The following PRDM16 variants were observed in gnomAD, a reference collection of about 807,000 sequenced individuals.
PRDM16 encodes the protein histone-lysine N-methyltransferase PRDM16.
A neutral mutation model predicts 110.6 loss-of-function variants in PRDM16; 23 were observed. The ratio of observed to expected loss-of-function variants is 0.21; its 90% CI spans 0.15 to 0.29. The LOEUF (loss-of-function observed/expected upper bound fraction) is 0.29. Among genes scored for constraint, PRDM16 ranks in the 10% least tolerant of loss-of-function variants. The pLI is 1.00. For synonymous variants in PRDM16, 799 were observed against 781.8 expected (o/e 1.02, Z -0.37); for missense variants, 1,615 against 1,794.3 (o/e 0.90, Z 1.81).
At chr1:3,088,500 CT>C (rs1303372660) in intron 1 of PRDM16, among the ~76,000 whole-genome samples, 1 of 150,468 alleles carries the variant, frequency 6.6e-6, no homozygotes, top group Non-Finnish European at 1.5e-5. Flanking sequence ...GAGTCTCGCT[CT>C]GTCACTCAGG....
At chr1:3,212,236 T>TCCTCTC (rs776720399) in intron 2 of PRDM16, among the ~76,000 whole-genome samples, 1 of 152,158 alleles carries the variant, frequency 6.6e-6, no homozygotes, top group Non-Finnish European at 1.5e-5. Context: ...GCTTTGTCCC[T>TCCTCTC]CCTCTCCCGT....
intron 3 of PRDM16, among the ~76,000 whole-genome samples, chr1:3,256,348 G>A (rs1025520584): frequency 4.6e-5 from 7 of 152,168 alleles, no homozygotes; most frequent in Admixed American, 6.5e-5. Context: ...GTGGGTCCAC[G>A]CCCCATTCTA....
At chr1:3,301,350 GAAAAA>G (rs774850084) in intron 3 of PRDM16, among the ~76,000 whole-genome samples, 1 of 117,856 alleles carries the variant, frequency 8.5e-6, no homozygotes, top group African/African-American at 3.2e-5. Context: ...AAAAAAAAAA[GAAAAA>G]AAAAAAGGAA....
chr1:3,082,567 A>G (rs1174378172), intron 1 of PRDM16, among the ~76,000 whole-genome samples: 1 of 152,208 alleles, frequency 6.6e-6, no homozygotes, highest in African/African-American at 2.4e-5. Context: ...CTGGGGGTGC[A>G]GCTCCGAGGG....
chr1:3,127,381 G>A (rs1021476166), intron 1 of PRDM16, among the ~76,000 whole-genome samples: 2 of 152,198 alleles, frequency 1.3e-5, no homozygotes, highest in African/African-American at 4.8e-5. Context: ...TTACCCAGAC[G>A]ATGCCCTCGT....
At chr1:3,365,933 T>C (rs887291337) in intron 3 of PRDM16, among the ~76,000 whole-genome samples, 11 of 94,342 alleles carry the variant, frequency 1.2e-4, no homozygotes, top group Non-Finnish European at 1.7e-4. Context: ...CACGCACACA[T>C]GCACACAAAC....
chr1:3,070,841 G>A (rs1036453188), intron 1 of PRDM16, among the ~76,000 whole-genome samples: 1 of 152,196 alleles, frequency 6.6e-6, no homozygotes, highest in Non-Finnish European at 1.5e-5. Flanking sequence ...CCTGCGCCCC[G>A]CCATCGGCCG....
intron 1 of PRDM16, among the ~76,000 whole-genome samples, chr1:3,173,275 C>G (rs541395288): frequency 6.6e-6 from 1 of 152,216 alleles, no homozygotes; most frequent in Non-Finnish European, 1.5e-5. Flanking sequence ...CTCTCTGAAA[C>G]AAAGAGGCTT....
At chr1:3,363,095 G>T (rs1642746361) in intron 3 of PRDM16, among the ~76,000 whole-genome samples, 1 of 152,180 alleles carries the variant, frequency 6.6e-6, no homozygotes, top group Admixed American at 6.5e-5. Context: ...TTCTGACTGG[G>T]CAAGGCCCAT....
At chr1:3,118,941 G>T (rs1309600147) in intron 1 of PRDM16, among the ~76,000 whole-genome samples, 1 of 152,324 alleles carries the variant, frequency 6.6e-6, no homozygotes, top group African/African-American at 2.4e-5. Context: ...ACCTTCTAAG[G>T]CATTTTGGCA....
At chr1:3,070,460 G>C (rs1230116894) in intron 1 of PRDM16, among the ~76,000 whole-genome samples, 2 of 148,994 alleles carry the variant, frequency 1.3e-5, no homozygotes, top group Non-Finnish European at 3.0e-5. Flanking sequence ...CCGAAGCCCC[G>C]GCTGCAGCGA....
intron 3 of PRDM16, among the ~76,000 whole-genome samples, chr1:3,295,324 T>A (rs1641063186): frequency 1.3e-5 from 2 of 152,058 alleles, no homozygotes; most frequent in African/African-American, 2.4e-5. Context: ...CATCTGAGAA[T>A]AGGTAGGAAG....
chr1:3,198,146 C>T lies in PRDM16; in HGVS notation c.387+11672C>T, dbSNP rs142085695. Among the ~76,000 whole-genome samples the T allele has an allele frequency of 5.0e-3, 761 of 152,240 alleles. 4 individuals are homozygous for T. Among genetic ancestry groups the T allele is most frequent in the African/African-American group, 0.017 (716 of 41,550 alleles). ...CTCCTGCACGCGGGTAGAATCTGCT[C>T]GGGTCAGGGGCGGGCACTCCATGCG... On this transcript the variant is annotated intron_variant, in intron 2 of 16. Transcript: ENST00000270722.
intron 1 of PRDM16, among the ~76,000 whole-genome samples, chr1:3,149,926 T>C (rs1358410333): frequency 3.3e-5 from 5 of 152,190 alleles, no homozygotes. Flanking sequence ...CTGTTGGGCC[T>C]GGACAAGGTT....
At chr1:3,427,015 C>A (rs1638628425) in intron 14 of PRDM16, among the ~76,000 whole-genome samples, 3 of 152,262 alleles carry the variant, frequency 2.0e-5, no homozygotes, top group Admixed American at 2.0e-4. Flanking sequence ...CATGCAAGTA[C>A]ATGCACATGG....
chr1:3,069,322 C>T lies in PRDM16; in HGVS notation c.37+26C>T. On this transcript the variant is annotated intron_variant, in intron 1 of 16. Coordinates refer to ENST00000270722, the MANE Select transcript of PRDM16 (RefSeq NM_022114.4). The surrounding 1 kb of genome is among the most constrained non-coding windows in gnomAD (Gnocchi z 6.1). ...GTAAGTCTCCCGCGCTCGGCCGCGC[C>T]GCGCCGCCGGGGCCCGGGCCGCCGG... 4 of 1,246,484 alleles carry T rather than the reference C, an allele frequency of 3.2e-6. No homozygotes were observed. Among genetic ancestry groups the T allele is most frequent in the Non-Finnish European group, 4.1e-6 (4 of 968,332 alleles). 77.2% of individuals were successfully genotyped at this position (1,246,484 alleles called of 1,614,324 possible). A position where few individuals can be genotyped will look rare whatever the true frequency, so the allele number is the denominator to read the frequency against.
chr1:3,187,084 G>A (rs1644277909), intron 2 of PRDM16, among the ~76,000 whole-genome samples: 1 of 152,210 alleles, frequency 6.6e-6, no homozygotes, highest in African/African-American at 2.4e-5. Context: ...CCTGCTGCAG[G>A]GGTCAGGAGA....
chr1:3,296,900 G>A (rs1289450710), intron 3 of PRDM16, among the ~76,000 whole-genome samples: 2 of 152,144 alleles, frequency 1.3e-5, no homozygotes, highest in African/African-American at 2.4e-5. Context: ...CGAGCAGCAC[G>A]GCTTAGCCTC....
At chr1:3,130,206 G>A (rs1643304768) in intron 1 of PRDM16, among the ~76,000 whole-genome samples, 1 of 152,232 alleles carries the variant, frequency 6.6e-6, no homozygotes, top group South Asian at 2.1e-4. Context: ...GTCCTGTGCA[G>A]GACCAGCCAG....
Sources: allele counts gnomAD v4.1 joint callset (sites outside exome capture counted in the v4.1 genomes callset), GRCh38; gene constraint gnomAD v4.1.1; non-coding constraint Gnocchi (gnomAD v3.1); transcripts MANE v1.5; gene names NCBI Gene and HGNC (gene_info 2026-07-23, HGNC 2026-07-21).